Variants in PRUNE2 observed in about 807,000 individuals in gnomAD.
The protein encoded by PRUNE2 is prune homolog 2 with BCH domain.
Under a neutral mutation model 252.0 loss-of-function variants are expected in PRUNE2, and 164 were observed. The observed-to-expected ratio is 0.65, with a 90% CI of 0.57 to 0.74. PRUNE2 has a LOEUF of 0.74. Among genes scored for constraint, PRUNE2 ranks in the 30% least tolerant of loss-of-function variants. PRUNE2 has a pLI of 0.00. For synonymous variants in PRUNE2, 1,292 were observed against 1,350.2 expected (o/e 0.96, Z 0.94); for missense variants, 3,495 against 3,711.0 (o/e 0.94, Z 1.51).
At position 76,711,193 on chromosome 9, in the gene PRUNE2, C is replaced by G; in HGVS notation, c.1081G>C (p.Val361Leu). 1.2e-6 allele frequency: 2 copies of G among 1,613,944 alleles called. No homozygotes were observed. The highest frequency in any genetic ancestry group is 1.1e-5 in the South Asian group (1 of 91,070). ...EVINRRCPEM[V>L]SNSRTSSTEA... ...GTTGAGGATGTCCGGCTATTGGAGA[C>G]CATCTCTGGACACCTCCTGTTGATG... Residue 361 changes from valine to leucine, a missense_variant, in exon 8 of 19, where the codon GTC becomes CTC. By Grantham distance (32) the Val-to-Leu change is conservative. Coordinates refer to ENST00000376718, the MANE Select transcript of PRUNE2 (RefSeq NM_015225.3).
chr9:76,880,556 C>T (rs1036597062), intron 1 of PRUNE2, among the ~76,000 whole-genome samples: 1 of 152,108 alleles, frequency 6.6e-6, no homozygotes, highest in Non-Finnish European at 1.5e-5. Context: ...ACCAAAATTG[C>T]TAGTTTCACT....
At chr9:76,719,968 T>C (rs554194652) in intron 6 of PRUNE2, among the ~76,000 whole-genome samples, 1 of 152,280 alleles carries the variant, frequency 6.6e-6, no homozygotes, top group African/African-American at 2.4e-5. Context: ...CCTAACGAAA[T>C]AATCATATAT....
chr9:76,882,798 G>A (rs997259740), intron 1 of PRUNE2, among the ~76,000 whole-genome samples: 1 of 152,138 alleles, frequency 6.6e-6, no homozygotes. Flanking sequence ...AATTCCACAC[G>A]AAATTGGTGG....
At chr9:76,801,029 C>T (rs1003415981) in intron 6 of PRUNE2, among the ~76,000 whole-genome samples, 7 of 152,228 alleles carry the variant, frequency 4.6e-5, no homozygotes, top group Middle Eastern at 3.4e-3. Context: ...ACCAGTCAAA[C>T]GCAAAGGTTA....
At chr9:76,648,584 C>T (rs1188065035) in intron 11 of PRUNE2, among the ~76,000 whole-genome samples, 1 of 152,084 alleles carries the variant, frequency 6.6e-6, no homozygotes, top group Non-Finnish European at 1.5e-5. Flanking sequence ...TTGTATGAGT[C>T]CAACTACATG....
At chr9:76,849,266 C>T (rs767336563) in intron 3 of PRUNE2, among the ~76,000 whole-genome samples, 4 of 151,982 alleles carry the variant, frequency 2.6e-5, no homozygotes, top group East Asian at 3.9e-4. Flanking sequence ...GTTTCTTGTC[C>T]GTAAAATAAA....
chr9:76,713,292 G>C (rs1314075941), intron 7 of PRUNE2, among the ~76,000 whole-genome samples: 1 of 152,174 alleles, frequency 6.6e-6, no homozygotes, highest in Non-Finnish European at 1.5e-5. Context: ...GAAGAAAATA[G>C]CACCCAAAGG....
chr9:76,692,066 C>T (rs746591720), intron 9 of PRUNE2: 1 of 717,488 alleles, frequency 1.4e-6, no homozygotes, highest in South Asian at 1.5e-5. Flanking sequence ...ACACCAGGAC[C>T]CACCTACCTT....
chr9:76,801,589 T>C (rs577108318), intron 6 of PRUNE2, among the ~76,000 whole-genome samples: 1 of 152,300 alleles, frequency 6.6e-6, no homozygotes, highest in East Asian at 1.9e-4. Flanking sequence ...TCTTAAATCT[T>C]ACCAGGTTAT....
At chr9:76,845,009 A>G (rs1488158029) in intron 4 of PRUNE2, among the ~76,000 whole-genome samples, 2 of 149,878 alleles carry the variant, frequency 1.3e-5, no homozygotes, top group African/African-American at 4.9e-5. Flanking sequence ...TTAAAAAAAA[A>G]AAAAAAAAAA....
At chr9:76,772,504 G>C (rs1050374612) in intron 6 of PRUNE2, among the ~76,000 whole-genome samples, 11 of 152,094 alleles carry the variant, frequency 7.2e-5, no homozygotes, top group African/African-American at 2.7e-4. Context: ...ACCTTCTGTA[G>C]TTTTGCAAAA....
intron 4 of PRUNE2, among the ~76,000 whole-genome samples, chr9:76,831,714 G>C (rs1272144269): frequency 6.6e-6 from 1 of 151,956 alleles, no homozygotes; most frequent in Non-Finnish European, 1.5e-5. Context: ...AGGAAAAGAA[G>C]AAAATGTGTG....
chr9:76,837,852 A>G (rs1413897400), intron 4 of PRUNE2, among the ~76,000 whole-genome samples: 3 of 151,074 alleles, frequency 2.0e-5, no homozygotes, highest in East Asian at 1.9e-4. Context: ...GCTCACTGCA[A>G]GCTCTGCCTC....
chr9:76,734,667 C>T (rs1483708519), intron 6 of PRUNE2, among the ~76,000 whole-genome samples: 1 of 152,108 alleles, frequency 6.6e-6, no homozygotes, highest in African/African-American at 2.4e-5. Context: ...TCTGTCATCC[C>T]TTCTTTTGGG....
intron 9 of PRUNE2, among the ~76,000 whole-genome samples, chr9:76,674,731 A>T (rs1238673546): frequency 8.0e-6 from 1 of 125,284 alleles, no homozygotes; most frequent in African/African-American, 2.5e-5. Flanking sequence ...GATCAATGGA[A>T]CAGAACAGAG....
intron 9 of PRUNE2, among the ~76,000 whole-genome samples, chr9:76,658,453 G>C (rs1277671598): frequency 6.6e-6 from 1 of 152,236 alleles, no homozygotes; most frequent in Non-Finnish European, 1.5e-5. Context: ...AAATCTAAGA[G>C]AAACCCAAGT....
chr9:76,899,703 G>A (rs528702316), intron 1 of PRUNE2, among the ~76,000 whole-genome samples: 84 of 152,188 alleles, frequency 5.5e-4, no homozygotes, highest in Non-Finnish European at 9.6e-4. Context: ...GGCATTAATC[G>A]AACAAACATG....
At chr9:76,771,501 G>C (rs1175172958) in intron 6 of PRUNE2, among the ~76,000 whole-genome samples, 1 of 152,196 alleles carries the variant, frequency 6.6e-6, no homozygotes, top group African/African-American at 2.4e-5. Context: ...GTGACATGAA[G>C]GCAGGTACAA....
intron 1 of PRUNE2, among the ~76,000 whole-genome samples, chr9:76,881,740 G>A (rs889271562): frequency 6.6e-6 from 1 of 151,774 alleles, no homozygotes; most frequent in Non-Finnish European, 1.5e-5. Flanking sequence ...TCCTGCCTCA[G>A]CCTCCCGAGT....
Sources: allele counts gnomAD v4.1 joint callset (sites outside exome capture counted in the v4.1 genomes callset), GRCh38; gene constraint gnomAD v4.1.1; transcripts MANE v1.5; gene names NCBI Gene and HGNC (gene_info 2026-07-23, HGNC 2026-07-21).